The following RBPMS variants were observed in gnomAD, a reference collection of about 807,000 sequenced individuals.
RBPMS encodes the protein RNA-binding protein with multiple splicing.
A neutral mutation model predicts 26.8 loss-of-function variants in RBPMS; 7 were observed. The observed-to-expected ratio is 0.26, with a 90% confidence interval of 0.15 to 0.49. The LOEUF is 0.49. Ranked by LOEUF, RBPMS falls within the 20% of genes least tolerant of loss-of-function variation. The pLI is 0.98. For missense variants in RBPMS, 186 were observed against 250.0 expected (o/e 0.74, Z 1.73); for synonymous variants, 96 against 93.3 (o/e 1.03, Z -0.17).
At chr8:30,533,759 C>A (rs1824495870) in intron 5 of RBPMS, among the ~76,000 whole-genome samples, 1 of 152,160 alleles carries the variant, frequency 6.6e-6, no homozygotes, top group Admixed American at 6.5e-5. Context: ...GGACTAGTAA[C>A]AGTATAATTT....
intron 1 of RBPMS, among the ~76,000 whole-genome samples, chr8:30,391,979 T>C (rs929672751): frequency 6.6e-6 from 1 of 152,136 alleles, no homozygotes; most frequent in East Asian, 1.9e-4. Flanking sequence ...GCTGCTTTGA[T>C]GGGGAAGTGG....
At chr8:30,443,479 A>C (rs1431203079) in intron 1 of RBPMS, among the ~76,000 whole-genome samples, 2 of 152,218 alleles carry the variant, frequency 1.3e-5, no homozygotes, top group Non-Finnish European at 2.9e-5. Flanking sequence ...CCTTAGCTGC[A>C]AAATAGCTCC....
intron 1 of RBPMS, among the ~76,000 whole-genome samples, chr8:30,417,110 G>A (rs1296381266): frequency 6.6e-6 from 1 of 152,154 alleles, no homozygotes; most frequent in Non-Finnish European, 1.5e-5. Flanking sequence ...TCTTCTAAGA[G>A]ACAGATGGAC....
chr8:30,544,893 C>T (rs997253633), intron 6 of RBPMS: 163 of 1,488,908 alleles, frequency 1.1e-4, no homozygotes, highest in Non-Finnish European at 1.4e-4. Context: ...CATGAGAGAC[C>T]GGGGCAGGTT....
intron 1 of RBPMS, among the ~76,000 whole-genome samples, chr8:30,458,776 A>T (rs1406019494): frequency 6.6e-6 from 1 of 152,132 alleles, no homozygotes; most frequent in African/African-American, 2.4e-5. Flanking sequence ...CAGTGGTGCA[A>T]ACATGGCTCA....
At chr8:30,547,029 TA>T (rs1825924882) in intron 6 of RBPMS, among the ~76,000 whole-genome samples, 2 of 152,140 alleles carry the variant, frequency 1.3e-5, no homozygotes, top group South Asian at 4.1e-4. Flanking sequence ...CTTTCTTCTC[TA>T]AGTAGATGGG....
At chr8:30,457,878 A>C (rs1454089091) in intron 1 of RBPMS, among the ~76,000 whole-genome samples, 1 of 152,064 alleles carries the variant, frequency 6.6e-6, no homozygotes, top group Non-Finnish European at 1.5e-5. Flanking sequence ...CCTAGCCTTG[A>C]TTTATATTCT....
intron 1 of RBPMS, among the ~76,000 whole-genome samples, chr8:30,422,019 G>T (rs1810856642): frequency 6.6e-6 from 1 of 152,062 alleles, no homozygotes; most frequent in East Asian, 1.9e-4. Context: ...TAATAACCAG[G>T]TAGGTAATTG....
At chr8:30,559,909 C>CT (rs1475022743) in intron 7 of RBPMS, among the ~76,000 whole-genome samples, 1 of 152,140 alleles carries the variant, frequency 6.6e-6, no homozygotes, top group Non-Finnish European at 1.5e-5. Flanking sequence ...AACTAGTGTT[C>CT]TTTTCTTTTT....
At chr8:30,474,338 T>G (rs1817461877) in intron 1 of RBPMS, among the ~76,000 whole-genome samples, 1 of 152,188 alleles carries the variant, frequency 6.6e-6, no homozygotes, top group African/African-American at 2.4e-5. Context: ...ATAGGCGATA[T>G]ATTTAGGGCA....
At chr8:30,542,677 C>T (rs1317273748) in intron 5 of RBPMS, among the ~76,000 whole-genome samples, 4 of 152,248 alleles carry the variant, frequency 2.6e-5, no homozygotes, top group African/African-American at 9.6e-5. Flanking sequence ...GGTCGCTAAA[C>T]AACAATAATA....
intron 6 of RBPMS, chr8:30,545,153 T>G: frequency 7.7e-7 from 1 of 1,306,826 alleles, no homozygotes; most frequent in Non-Finnish European, 1.0e-6. Context: ...GTTCCTTCTC[T>G]CCATTTTCAG....
chr8:30,438,197 A>G (rs950963412), intron 1 of RBPMS, among the ~76,000 whole-genome samples: 4 of 152,136 alleles, frequency 2.6e-5, no homozygotes, highest in African/African-American at 7.2e-5. Flanking sequence ...CATGAGGATC[A>G]CCTATGTAGC....
intron 5 of RBPMS, among the ~76,000 whole-genome samples, chr8:30,541,725 G>A (rs1266919675): frequency 1.3e-5 from 2 of 152,162 alleles, no homozygotes; most frequent in Non-Finnish European, 2.9e-5. Context: ...TGTAAAGTTT[G>A]AGCAGGATGG....
intron 1 of RBPMS, among the ~76,000 whole-genome samples, chr8:30,422,786 T>C (rs2150629781): frequency 6.6e-6 from 1 of 152,334 alleles, no homozygotes; most frequent in East Asian, 1.9e-4. Context: ...AAGAAAATCA[T>C]AGGAAAAATA....
intron 1 of RBPMS, among the ~76,000 whole-genome samples, chr8:30,471,267 T>C (rs900460054): frequency 2.6e-5 from 4 of 152,302 alleles, no homozygotes; most frequent in Non-Finnish European, 5.9e-5. Flanking sequence ...ACGTCATTTT[T>C]ATTGGCTGTG....
At chr8:30,478,227 T>A (rs1001796102) in intron 3 of RBPMS, among the ~76,000 whole-genome samples, 3 of 152,136 alleles carry the variant, frequency 2.0e-5, no homozygotes, top group Non-Finnish European at 1.5e-5. Flanking sequence ...ACCCCTAAAT[T>A]AAGGCAGAGT....
At chr8:30,485,961 A>G (rs1028959874) in intron 4 of RBPMS, among the ~76,000 whole-genome samples, 1 of 152,278 alleles carries the variant, frequency 6.6e-6, no homozygotes, top group Non-Finnish European at 1.5e-5. Context: ...AGATGCATTT[A>G]TAAGTAGTCT....
At chr8:30,556,049 G>T in intron 6 of RBPMS, 1 of 985,440 alleles carries the variant, frequency 1.0e-6, no homozygotes, top group Non-Finnish European at 1.2e-6. Context: ...GCGCAGCGGA[G>T]CCTCTCAGGC....
Sources: gnomAD v4.1 joint callset for allele counts (sites outside exome capture counted in the v4.1 genomes callset) on GRCh38, gnomAD v4.1.1 for gene constraint, MANE v1.5 for transcripts, NCBI Gene and HGNC (gene_info 2026-07-23, HGNC 2026-07-21) for gene names.